The following LHCGR variants were observed in gnomAD, a reference collection of about 807,000 sequenced individuals.
LHCGR encodes the protein luteinizing hormone/choriogonadotropin receptor.
LHCGR carries 55 observed loss-of-function variants against 60.7 expected under a neutral mutation model. The observed-to-expected ratio is 0.91, with a 90% CI of 0.73 to 1.13. The LOEUF (loss-of-function observed/expected upper bound fraction) is 1.13, where lower values mean the gene tolerates loss of function less well. Among genes scored for constraint, LHCGR ranks in the 50% most tolerant of loss-of-function variants. The pLI is 0.00. For synonymous variants in LHCGR, 337 were observed against 316.5 expected (o/e 1.06, Z -0.69); for missense variants, 862 against 836.0 (o/e 1.03, Z -0.38).
At chr2:48,689,489 C>G (rs1304101844) in intron 10 of LHCGR, among the ~76,000 whole-genome samples, 2 of 152,002 alleles carry the variant, frequency 1.3e-5, no homozygotes, top group East Asian at 3.9e-4. Context: ...ATCAAATAGT[C>G]CAACAGAGAA....
chr2:48,688,053 T>C lies in LHCGR; in HGVS notation c.1744A>G (p.Met582Val). 6.2e-7 allele frequency: 1 copy of C among 1,614,188 alleles called. No homozygotes were observed. Among genetic ancestry groups the C allele is most frequent in the South Asian group, 1.1e-5 (1 of 91,088 alleles). ...AILIFTDFTC[M>V]APISFFAISA... ...ATGGCAAAAAAAGAGATAGGTGCCATGCAGGTGAAATCGGTGAAGATGAGG... is the reference window on the plus strand; with the variant it reads ...ATGGCAAAAAAAGAGATAGGTGCCACGCAGGTGAAATCGGTGAAGATGAGG... The change falls in exon 11 of 11, where the codon ATG becomes GTG. Residue 582 changes from methionine (M) to valine (V), a missense_variant. Coordinates refer to ENST00000294954, the MANE Select transcript of LHCGR (RefSeq NM_000233.4). This position sits in a 1 kb window ranked among gnomAD's most constrained non-coding sequence, Gnocchi z 5.2.
intron 7 of LHCGR, among the ~76,000 whole-genome samples, chr2:48,709,854 C>G (rs930927565): frequency 1.3e-5 from 2 of 152,114 alleles, no homozygotes; most frequent in South Asian, 4.1e-4. Context: ...TTTGAGTAGT[C>G]GAGGGAGCTA....
chr2:48,703,365 C>T (rs368411511), intron 8 of LHCGR, among the ~76,000 whole-genome samples: 60 of 152,172 alleles, frequency 3.9e-4, no homozygotes, highest in South Asian at 1.2e-3. Flanking sequence ...ATGTCCTGAA[C>T]GGTAATGCCT....
At chr2:48,722,729 T>C (rs1018056175) in intron 6 of LHCGR, among the ~76,000 whole-genome samples, 5 of 152,186 alleles carry the variant, frequency 3.3e-5, no homozygotes, top group African/African-American at 7.2e-5. Context: ...GCCTGCAGAA[T>C]TGTGAGCCAA....
chr2:48,730,702 G>A (rs137990009), intron 2 of LHCGR, among the ~76,000 whole-genome samples: 3 of 152,270 alleles, frequency 2.0e-5, no homozygotes, highest in East Asian at 1.9e-4. Context: ...ACAAATGATC[G>A]AAGTTATGTC....
intron 1 of LHCGR, among the ~76,000 whole-genome samples, chr2:48,742,333 C>T (rs1669495182): frequency 6.6e-6 from 1 of 151,954 alleles, no homozygotes; most frequent in Non-Finnish European, 1.5e-5. Flanking sequence ...AGCTCTGCAC[C>T]AAGCGGACCT....
At chr2:48,693,525 C>G (rs1558809949) in intron 10 of LHCGR, among the ~76,000 whole-genome samples, 1 of 152,140 alleles carries the variant, frequency 6.6e-6, no homozygotes, top group Non-Finnish European at 1.5e-5. Context: ...AAGAGATTGG[C>G]AAAGTATCTT....
At chr2:48,725,879 C>G in intron 3 of LHCGR, 129 bp from the exon 4 acceptor site, 1 of 742,170 alleles carries the variant, frequency 1.3e-6, no homozygotes, top group Non-Finnish European at 2.4e-6. Context: ...CCTTCATATG[C>G]TTGGGAGGAC....
At chr2:48,703,571 G>T (rs1217386038) in intron 8 of LHCGR, among the ~76,000 whole-genome samples, 2 of 152,082 alleles carry the variant, frequency 1.3e-5, no homozygotes, top group East Asian at 3.8e-4. Flanking sequence ...GTTGAGCAGT[G>T]GTTTGTAGTT....
intron 9 of LHCGR, 47 bp downstream of exon 9, chr2:48,698,568 A>G (rs1667237205): frequency 1.3e-6 from 2 of 1,527,796 alleles, no homozygotes; most frequent in Admixed American, 3.3e-5. Context: ...TGAAATCTGA[A>G]TTTCTGCCAC....
chr2:48,730,864 A>AT lies in LHCGR; in HGVS notation c.233+362dup, dbSNP rs771486113. Among the ~76,000 whole-genome samples, 8 of 152,078 alleles carry AT rather than the reference A, an allele frequency of 5.3e-5. No individual in the cohort carries two copies. In the East Asian group the frequency reaches 5.8e-4, roughly 11 times the overall value. The stretch of plus-strand genomic sequence containing the variant: ...CTGATGCACAATAAATTTCCAACAC[A>AT]TTTTTTTTCCTATGTGGGTGTTATC... On this transcript the variant is annotated intron_variant, in intron 2 of 10. Coordinates refer to ENST00000294954, the MANE Select transcript of LHCGR (RefSeq NM_000233.4).
At chr2:48,713,932 C>G in intron 7 of LHCGR, 54 bp downstream of exon 7, 1 of 1,300,606 alleles carries the variant, frequency 7.7e-7, no homozygotes, top group Non-Finnish European at 1.1e-6. Flanking sequence ...GATCTTGTAG[C>G]CAGAGTAATA....
Position 48,698,681 on chromosome 2 carries a change from T to C in LHCGR, c.800A>G (p.Asn267Ser), listed in dbSNP as rs199607124. 240 of 1,614,114 alleles carry C rather than the reference T, an allele frequency of 1.5e-4. No individual in the cohort carries two copies. The highest frequency in any genetic ancestry group is 1.3e-4 in the African/African-American group (10 of 75,026). The change falls in exon 9 of 11, where the codon AAT becomes AGT. Residue 267 changes from asparagine to serine, a missense_variant. Physicochemically the swap from Asn to Ser is conservative, Grantham distance 46. Coordinates refer to ENST00000294954, the MANE Select transcript of LHCGR (RefSeq NM_000233.4). Reference protein sequence around the residue: ...KKLPSRETFVNLLEATLTYPS... With the variant: ...KKLPSRETFVSLLEATLTYPS... The stretch of plus-strand genomic sequence containing the variant: ...GTAAGTCAACGTGGCCTCCAGGAGA[T>C]TGACAAATGTTTCTCTTGATGGCAA...
At chr2:48,754,795 G>A (rs969130718) in intron 1 of LHCGR, among the ~76,000 whole-genome samples, 2 of 152,094 alleles carry the variant, frequency 1.3e-5, no homozygotes, top group Non-Finnish European at 2.9e-5. Flanking sequence ...TAGTACTAAA[G>A]GCTCCCCTTC....
intron 3 of LHCGR, among the ~76,000 whole-genome samples, 160 bp from the exon 4 acceptor site, chr2:48,725,910 G>C (rs1668698300): frequency 6.6e-6 from 1 of 152,164 alleles, no homozygotes; most frequent in African/African-American, 2.4e-5. Context: ...TCTGGGGATG[G>C]AAATGGCTTG....
In LHCGR at chr2:48,735,296, A is replaced by T. The variant is rs184868295; in HGVS notation, c.162-3998T>A. On this transcript the variant is annotated intron_variant, in intron 1 of 10. Coordinates refer to ENST00000294954, the MANE Select transcript of LHCGR (RefSeq NM_000233.4). The stretch of plus-strand genomic sequence containing the variant: ...TACTGGGATCTTGTGATTGGTCATG[A>T]CTCTGGCGAGGCTTGTGCATCGTCT... Among the ~76,000 whole-genome samples, 226 of 152,186 alleles carry T rather than the reference A, an allele frequency of 1.5e-3. 1 individual carries two copies. The highest frequency in any genetic ancestry group is 0.014 in the Middle Eastern group (4 of 294).
At chr2:48,714,863 G>C (rs927588127) in intron 6 of LHCGR, among the ~76,000 whole-genome samples, 3 of 152,114 alleles carry the variant, frequency 2.0e-5, no homozygotes, top group African/African-American at 7.2e-5. Context: ...AGGGAATCAA[G>C]CAGCACATTG....
intron 9 of LHCGR, among the ~76,000 whole-genome samples, chr2:48,698,361 C>G (rs945117617): frequency 2.0e-5 from 3 of 152,278 alleles, no homozygotes; most frequent in South Asian, 4.1e-4. Context: ...CTAAAATGGC[C>G]TCTAATTCAG....
chr2:48,708,811 G>T (rs962125719), intron 8 of LHCGR, 137 bp downstream of exon 8: 7 of 780,608 alleles, frequency 9.0e-6, no homozygotes, highest in Admixed American at 3.5e-5. Flanking sequence ...GATACACTTT[G>T]TCTTTCCAAC....
Sources: allele counts gnomAD v4.1 joint callset (sites outside exome capture counted in the v4.1 genomes callset), GRCh38; gene constraint gnomAD v4.1.1; non-coding constraint Gnocchi (gnomAD v3.1); transcripts MANE v1.5; gene names NCBI Gene and HGNC (gene_info 2026-07-23, HGNC 2026-07-21).